Variants in RABGAP1 observed in about 807,000 individuals in gnomAD.
RABGAP1 encodes RAB GTPase activating protein 1.
A neutral mutation model predicts 137.6 loss-of-function variants in RABGAP1; 23 were observed. The observed-to-expected ratio is 0.17, with a 90% CI of 0.12 to 0.24. The LOEUF is 0.24. RABGAP1 is among the 10% of genes least tolerant of loss of function. The probability of loss-of-function intolerance (pLI) is 1.00; values close to 1 mark genes in which losing one functional copy is unlikely to be tolerated. For synonymous variants in RABGAP1, 451 were observed against 450.7 expected (o/e 1.00, Z -0.01); for missense variants, 906 against 1,275.8 (o/e 0.71, Z 4.42).
At chr9:122,966,227 A>G (rs1230110990) in intron 2 of RABGAP1, among the ~76,000 whole-genome samples, 4 of 152,148 alleles carry the variant, frequency 2.6e-5, no homozygotes, top group Admixed American at 2.6e-4. Flanking sequence ...CATGCTATTT[A>G]AAGCTATGAA....
intron 10 of RABGAP1, among the ~76,000 whole-genome samples, chr9:123,003,699 G>A (rs764161422): frequency 6.6e-6 from 1 of 152,156 alleles, no homozygotes; most frequent in Non-Finnish European, 1.5e-5. Flanking sequence ...TATTAAGATA[G>A]CATCATAGTA....
At chr9:123,083,091 A>G (rs1346801448) in intron 19 of RABGAP1, among the ~76,000 whole-genome samples, 1 of 152,208 alleles carries the variant, frequency 6.6e-6, no homozygotes, top group Admixed American at 6.5e-5. Context: ...TGAGACATAG[A>G]GAATTGATGT....
intron 13 of RABGAP1, chr9:123,034,919 C>T: frequency 1.2e-6 from 2 of 1,612,940 alleles, no homozygotes; most frequent in East Asian, 2.2e-5. Context: ...GTCTCCATGG[C>T]TTCTCTGGCC....
intron 13 of RABGAP1, among the ~76,000 whole-genome samples, chr9:123,030,564 A>G (rs1380318711): frequency 1.3e-5 from 2 of 152,192 alleles, no homozygotes; most frequent in Non-Finnish European, 2.9e-5. Flanking sequence ...TAATCAGCAT[A>G]TAACATACAT....
At chr9:123,028,024 G>A (rs1353881130) in intron 13 of RABGAP1, among the ~76,000 whole-genome samples, 1 of 152,192 alleles carries the variant, frequency 6.6e-6, no homozygotes, top group African/African-American at 2.4e-5. Context: ...TACTTGCTGG[G>A]AGTTCTAAAG....
At chr9:122,972,901 C>CA (rs1157637822) in intron 2 of RABGAP1, among the ~76,000 whole-genome samples, 1 of 149,930 alleles carries the variant, frequency 6.7e-6, no homozygotes, top group Non-Finnish European at 1.5e-5. Context: ...TTGGGGAGGC[C>CA]AAAGTGGGAG....
chr9:123,059,481 G>A (rs1401223746), intron 13 of RABGAP1, among the ~76,000 whole-genome samples: 2 of 152,180 alleles, frequency 1.3e-5, no homozygotes, highest in African/African-American at 4.8e-5. Context: ...CGTGAACCCG[G>A]GAGGCGGAGG....
intron 21 of RABGAP1, among the ~76,000 whole-genome samples, chr9:123,094,450 ATTT>A (rs1358880593): frequency 6.6e-6 from 1 of 152,222 alleles, no homozygotes; most frequent in Admixed American, 6.5e-5. Context: ...ATCATTTGGT[ATTT>A]CTCCTTAATT....
At chr9:123,059,887 A>C (rs2033900067) in intron 13 of RABGAP1, among the ~76,000 whole-genome samples, 1 of 152,238 alleles carries the variant, frequency 6.6e-6, no homozygotes, top group African/African-American at 2.4e-5. Flanking sequence ...GAGTAGCCCA[A>C]AGCGACTAAG....
rs537120675 is a variant in RABGAP1 at position 123,089,007 on chromosome 9, G to A, written c.2425-751G>A. Among the ~76,000 whole-genome samples, 4 of 152,290 alleles carry A rather than the reference G, an allele frequency of 2.6e-5. No individual in the cohort carries two copies. In the East Asian group the frequency reaches 7.7e-4, roughly 29 times the overall value. On this transcript the variant is annotated intron_variant, in intron 19 of 25. Coordinates refer to ENST00000373647, the MANE Select transcript of RABGAP1 (RefSeq NM_012197.4). ...GAGGCCTGACTTACATTAAGGAGGG[G>A]CAGGTCTTGAAGCAATGGAGGTGAA...
At chr9:122,995,973 T>TA (rs1231744780) in intron 6 of RABGAP1, 68 bp from the exon 7 acceptor site, 6 of 1,505,074 alleles carry the variant, frequency 4.0e-6, no homozygotes, top group Admixed American at 2.4e-5. Flanking sequence ...GGTCTTTGTT[T>TA]AAAAAAATGG....
chr9:122,997,957 C>A (rs1564390220), intron 9 of RABGAP1, among the ~76,000 whole-genome samples: 1 of 152,068 alleles, frequency 6.6e-6, no homozygotes, highest in African/African-American at 2.4e-5. Context: ...TGTAAACAGA[C>A]CATTCAAATA....
chr9:123,047,919 G>GGT (rs769473871), intron 13 of RABGAP1, among the ~76,000 whole-genome samples: 1 of 62,252 alleles, frequency 1.6e-5, no homozygotes, highest in Non-Finnish European at 3.6e-5. Flanking sequence ...CAGCTGCTGG[G>GGT]TTTTTTTTTT....
chr9:122,987,679 A>G (rs1012506836), intron 4 of RABGAP1, among the ~76,000 whole-genome samples: 3 of 152,150 alleles, frequency 2.0e-5, no homozygotes, highest in South Asian at 2.1e-4. Context: ...TAAGGCTTTT[A>G]TCTTTCAGAG....
In RABGAP1 at chr9:123,015,587, G is replaced by A. The variant is rs745410330; in HGVS notation, c.1594G>A (p.Glu532Lys). The A allele has an allele frequency of 1.2e-6, 2 of 1,612,862 alleles. No individual in the cohort carries two copies. The highest frequency in any genetic ancestry group is 1.7e-6 in the Non-Finnish European group (2 of 1,179,174). Residue 532 changes from glutamate to lysine, a missense_variant, in exon 12 of 26, where the codon GAA (glutamate) becomes AAA (lysine). Around this residue, in one of 9 missense-constraint regions of RABGAP1, gnomAD observed 212 missense variants for 289.4 expected, o/e 0.73. Transcript: ENST00000373647. ...LLSGSGDVSK[E>K]CAEKILETWG... ...GAGTGGATCTGGTGATGTATCCAAA[G>A]AATGTGCAGAAAAAATTCTTGAAAC...
chr9:123,044,699 C>G (rs1234297429), intron 13 of RABGAP1, among the ~76,000 whole-genome samples: 1 of 151,278 alleles, frequency 6.6e-6, no homozygotes, highest in Non-Finnish European at 1.5e-5. Context: ...GAGTATAATA[C>G]AAGACATGGT....
At chr9:123,035,887 C>T (rs1473185634) in intron 13 of RABGAP1, among the ~76,000 whole-genome samples, 3 of 152,148 alleles carry the variant, frequency 2.0e-5, no homozygotes. Flanking sequence ...GAAATGACTA[C>T]AGTTCTCAGA....
chr9:123,024,963 T>G (rs2131950420), intron 13 of RABGAP1, among the ~76,000 whole-genome samples: 1 of 152,364 alleles, frequency 6.6e-6, no homozygotes. Flanking sequence ...AGTTTTTATG[T>G]AGAAAATTGT....
In RABGAP1 at chr9:123,081,945, C is replaced by T. The variant is rs1017855094; in HGVS notation, c.2424+5183C>T. 4.6e-5 allele frequency among the ~76,000 whole-genome samples: 7 copies of T among 152,112 alleles called. No individual in the cohort carries two copies. The South Asian group carries it at 8.3e-4, about 18-fold the overall frequency. On this transcript the variant is annotated intron_variant, in intron 19 of 25. Coordinates refer to ENST00000373647, the MANE Select transcript of RABGAP1 (RefSeq NM_012197.4). ...CTCTTATGTTCCCAATGCTTTCCAA[C>T]GCATTCCACTGTCTCTTACCATTGC... is the stretch of plus-strand genomic sequence containing the variant.
Sources: allele counts gnomAD v4.1 joint callset (sites outside exome capture counted in the v4.1 genomes callset), GRCh38; gene constraint gnomAD v4.1.1; regional missense constraint gnomAD v4.1.1; transcripts MANE v1.5; gene names NCBI Gene and HGNC (gene_info 2026-07-23, HGNC 2026-07-21).